NPEPPS: variants seen among roughly 807,000 people sequenced by gnomAD.
NPEPPS encodes aminopeptidase puromycin sensitive, also known as puromycin-sensitive aminopeptidase.
Under a neutral mutation model 115.5 loss-of-function variants are expected in NPEPPS, and 14 were observed. The ratio of observed to expected loss-of-function variants is 0.12; its 90% CI spans 0.08 to 0.19. The LOEUF is 0.19. Among genes scored for constraint, NPEPPS ranks in the 10% least tolerant of loss-of-function variants. The pLI is 1.00. For missense variants in NPEPPS, 523 were observed against 1,110.8 expected (o/e 0.47, Z 7.52); for synonymous variants, 285 against 390.6 (o/e 0.73, Z 3.19).
chr17:47,603,138 C>T (rs770550277), intron 15 of NPEPPS, among the ~76,000 whole-genome samples: 37 of 152,198 alleles, frequency 2.4e-4, no homozygotes, highest in Middle Eastern at 3.4e-3. Flanking sequence ...AATGCAGTTG[C>T]CAGGTGTAGT....
chr17:47,546,006 T>C lies in NPEPPS; in HGVS notation c.340+13T>C, dbSNP rs1909172566. On this transcript the variant is annotated intron_variant, in intron 2 of 22. Coordinates refer to ENST00000322157, the MANE Select transcript of NPEPPS (RefSeq NM_006310.4). ...GAAGGAGATGAAGGTAAGAGCTGTT[T>C]TCCATTTTAATTTGCTGTCTGCATG... 2 of 1,526,646 alleles carry C rather than the reference T, an allele frequency of 1.3e-6. No individual in the cohort carries two copies. Among genetic ancestry groups the C allele is most frequent in the Non-Finnish European group, 1.8e-6 (2 of 1,134,954 alleles). 94.6% of individuals were successfully genotyped at this position (1,526,646 alleles called of 1,614,324 possible).
chr17:47,536,388 C>CTTTTTTTTTT (rs749380530), intron 1 of NPEPPS, among the ~76,000 whole-genome samples: 3 of 69,938 alleles, frequency 4.3e-5, no homozygotes, highest in Non-Finnish European at 5.9e-5. Flanking sequence ...TATTTTCTCT[C>CTTTTTTTTTT]TTTTTTTTTT....
chr17:47,607,354 A>G (rs1270161278), intron 17 of NPEPPS, among the ~76,000 whole-genome samples: 2 of 152,166 alleles, frequency 1.3e-5, no homozygotes, highest in African/African-American at 4.8e-5. Flanking sequence ...GAGACAGAGG[A>G]AACAGCAAGT....
At chr17:47,615,695 A>G (rs1048816048) in intron 19 of NPEPPS, among the ~76,000 whole-genome samples, 3 of 152,168 alleles carry the variant, frequency 2.0e-5, no homozygotes, top group Non-Finnish European at 4.4e-5. Flanking sequence ...TTTTCCATCT[A>G]TTCCATGATG....
At chr17:47,593,267 C>T (rs1369744602) in intron 12 of NPEPPS, among the ~76,000 whole-genome samples, 1 of 152,140 alleles carries the variant, frequency 6.6e-6, no homozygotes, top group Non-Finnish European at 1.5e-5. Flanking sequence ...ATTTTGCCAA[C>T]TTAAAGAGTC....
At chr17:47,524,805 A>ATTT (rs58644203) in intron 1 of NPEPPS, among the ~76,000 whole-genome samples, 4 of 138,718 alleles carry the variant, frequency 2.9e-5, no homozygotes, top group Admixed American at 7.3e-5. Flanking sequence ...TGCCCGGCCA[A>ATTT]TTTTTTTTTT....
intron 2 of NPEPPS, among the ~76,000 whole-genome samples, chr17:47,560,487 TG>T (rs1910357401): frequency 6.6e-6 from 1 of 152,226 alleles, no homozygotes; most frequent in Admixed American, 6.5e-5. Flanking sequence ...TTTGAAAATA[TG>T]GGACCTGTCA....
At chr17:47,590,456 C>CAA (rs59183684) in intron 9 of NPEPPS, among the ~76,000 whole-genome samples, 4 of 136,044 alleles carry the variant, frequency 2.9e-5, no homozygotes, top group South Asian at 2.2e-4. Context: ...GACTTTGTCT[C>CAA]AAAAAAAAAA....
At chr17:47,621,377 A>G (rs1458654131) in intron 22 of NPEPPS, among the ~76,000 whole-genome samples, 2 of 152,082 alleles carry the variant, frequency 1.3e-5, no homozygotes, top group South Asian at 2.1e-4. Flanking sequence ...TCTGGAGTAG[A>G]TATTTTCTCA....
At chr17:47,583,401 A>G (rs1912005913) in intron 5 of NPEPPS, among the ~76,000 whole-genome samples, 2 of 152,040 alleles carry the variant, frequency 1.3e-5, no homozygotes, top group South Asian at 4.1e-4. Context: ...CCTGGCCAAC[A>G]TGGTGAAAAC....
chr17:47,619,689 T>C lies in NPEPPS; in HGVS notation c.2560-48T>C, dbSNP rs765397369. The C allele has an allele frequency of 5.3e-6, 8 of 1,498,216 alleles. No individual in the cohort carries two copies. In the African/African-American group the frequency reaches 8.3e-5, roughly 15 times the overall value. 92.8% of individuals were successfully genotyped at this position (1,498,216 alleles called of 1,614,324 possible). On this transcript the variant is annotated intron_variant, in intron 21 of 22. Coordinates refer to ENST00000322157, the MANE Select transcript of NPEPPS (RefSeq NM_006310.4). ...TATTTTTAGGGTAAATGGAAGTTTG[T>C]TCTCAGCCTCTTGGTTTCACTTACT...
At chr17:47,592,083 T>C (rs764674523) in intron 11 of NPEPPS, 23 bp downstream of exon 11, 1 of 1,417,016 alleles carries the variant, frequency 7.1e-7, no homozygotes, top group Non-Finnish European at 9.9e-7. Flanking sequence ...TTTAAATATT[T>C]CATTCTTTTA....
At chr17:47,601,288 T>G (rs186783689) in intron 14 of NPEPPS, among the ~76,000 whole-genome samples, 436 of 152,222 alleles carry the variant, frequency 2.9e-3, no homozygotes, top group Admixed American at 7.6e-3. Flanking sequence ...TGTTGTTGTT[T>G]TTTTACTTTA....
At chr17:47,594,679 C>T (rs1912747046) in intron 12 of NPEPPS, among the ~76,000 whole-genome samples, 1 of 151,888 alleles carries the variant, frequency 6.6e-6, no homozygotes, top group Non-Finnish European at 1.5e-5. Context: ...GTCGCCCAGG[C>T]TGGAGTGCAG....
intron 14 of NPEPPS, 33 bp from the exon 15 acceptor site, chr17:47,601,575 A>G (rs1186391662): frequency 6.2e-7 from 1 of 1,612,352 alleles, no homozygotes; most frequent in Non-Finnish European, 8.5e-7. Flanking sequence ...TGTTTGTCCC[A>G]GTGCAAAATT....
intron 9 of NPEPPS, among the ~76,000 whole-genome samples, chr17:47,588,446 C>T (rs1912318859): frequency 6.6e-6 from 1 of 151,812 alleles, no homozygotes; most frequent in African/African-American, 2.4e-5. Context: ...CGCCTGTAAT[C>T]CTAGCTACTC....
chr17:47,543,314 T>A (rs924783362), intron 1 of NPEPPS, among the ~76,000 whole-genome samples: 180 of 32,740 alleles, frequency 5.5e-3, no homozygotes, highest in Non-Finnish European at 9.8e-3. Flanking sequence ...AGTAAAAAAA[T>A]TTTTTTTTTT....
At chr17:47,606,285 A>G (rs772289839) in intron 17 of NPEPPS, among the ~76,000 whole-genome samples, 8 of 151,984 alleles carry the variant, frequency 5.3e-5, no homozygotes, top group Non-Finnish European at 7.4e-5. Flanking sequence ...ATAAGCATAT[A>G]TTTACTCTTT....
intron 1 of NPEPPS, among the ~76,000 whole-genome samples, chr17:47,540,963 GA>G (rs369290967): frequency 0.012 from 1,828 of 149,576 alleles, 25 homozygotes; most frequent in Middle Eastern, 0.02. Flanking sequence ...TAGTATCCTG[GA>G]AAAAAAAAAT....
Sources: allele counts gnomAD v4.1 joint callset (sites outside exome capture counted in the v4.1 genomes callset), GRCh38; gene constraint gnomAD v4.1.1; transcripts MANE v1.5; gene names NCBI Gene and HGNC (gene_info 2026-07-23, HGNC 2026-07-21).